Variants in FLRT1 observed in about 807,000 individuals in gnomAD.
FLRT1 encodes the protein fibronectin leucine rich transmembrane protein 1.
A neutral mutation model predicts 30.9 loss-of-function variants in FLRT1; 14 were observed. That is an observed-to-expected ratio of 0.45 (90% CI 0.30 to 0.71). The LOEUF (loss-of-function observed/expected upper bound fraction) is 0.71. Among genes scored for constraint, FLRT1 ranks in the 30% least tolerant of loss-of-function variants. The pLI is 0.08. For synonymous variants in FLRT1, 368 were observed against 430.4 expected (o/e 0.85, Z 1.80); for missense variants, 737 against 949.2 (o/e 0.78, Z 2.94).
chr11:64,095,858 T>C (rs1347661706), intron 1 of FLRT1, among the ~76,000 whole-genome samples: 1 of 151,998 alleles, frequency 6.6e-6, no homozygotes, highest in African/African-American at 2.4e-5. Flanking sequence ...AGCGCGAGGC[T>C]GAGGGGAGGG....
intron 1 of FLRT1, among the ~76,000 whole-genome samples, chr11:64,052,591 G>A (rs1054226585): frequency 1.3e-5 from 2 of 152,218 alleles, no homozygotes; most frequent in African/African-American, 4.8e-5. Flanking sequence ...TGGCAGACAT[G>A]GCTAATCAAT....
At chr11:64,105,795 G>A (rs1279149161) in intron 2 of FLRT1, among the ~76,000 whole-genome samples, 4 of 152,194 alleles carry the variant, frequency 2.6e-5, no homozygotes, top group African/African-American at 4.8e-5. Context: ...AAGGCCCCAG[G>A]AGGTGGGCGG....
Position 64,090,152 on chromosome 11 carries a change from C to T in FLRT1, c.-1037-13042C>T, listed in dbSNP as rs1944464113. Among the ~76,000 whole-genome samples, 1 of 152,174 alleles carries T rather than the reference C, an allele frequency of 6.6e-6. No individual in the cohort carries two copies. Among genetic ancestry groups the T allele is most frequent in the Admixed American group, 6.5e-5 (1 of 15,286 alleles). On this transcript the variant is annotated intron_variant, in intron 1 of 2. Coordinates refer to ENST00000682287, the MANE Select transcript of FLRT1 (RefSeq NM_013280.5). The surrounding 1 kb of genome is among the most constrained non-coding windows in gnomAD (Gnocchi z 4.7). Reference sequence around the variant, plus strand: ...TCCCCACGGGGCTAGGGACTCATCTCTGCCTGTCTTCCCAGGCCCCAGGTT... The same window carrying T: ...TCCCCACGGGGCTAGGGACTCATCTTTGCCTGTCTTCCCAGGCCCCAGGTT...
chr11:64,101,109 C>G (rs1284571928), intron 1 of FLRT1, among the ~76,000 whole-genome samples: 1 of 151,944 alleles, frequency 6.6e-6, no homozygotes, highest in Non-Finnish European at 1.5e-5. Context: ...TTCACAGGAC[C>G]ACACAAGCCA....
rs941880462 is a variant in FLRT1, at chr11:64,116,781, G to A, written c.514G>A (p.Ala172Thr). ...GTCCACCGTCAGCATTGAGGAGGAC[G>A]CCTTCGCCGACAGCAAACAGCTCAA... The part of the protein sequence containing the change: ...SVSTVSIEED[A>T]FADSKQLKLL... The change falls in exon 3 of 3, where the codon GCC becomes ACC. Residue 172 changes from alanine (A) to threonine (T), a missense_variant. Coordinates refer to ENST00000682287, the MANE Select transcript of FLRT1 (RefSeq NM_013280.5). The A allele has an allele frequency of 1.5e-5, 24 of 1,613,372 alleles. No individual in the cohort carries two copies. Among genetic ancestry groups the A allele is most frequent in the East Asian group, 4.5e-5 (2 of 44,886 alleles).
chr11:64,045,796 A>G (rs1367581686), intron 1 of FLRT1, among the ~76,000 whole-genome samples: 1 of 152,212 alleles, frequency 6.6e-6, no homozygotes, highest in East Asian at 1.9e-4. Context: ...TAACAATAAT[A>G]GTAATAACAG....
rs568614085 is a variant in FLRT1 at position 64,069,221 on chromosome 11, T to C, written c.-1038+33062T>C. Among the ~76,000 whole-genome samples the C allele has an allele frequency of 2.6e-5, 4 of 152,186 alleles. No individual in the cohort carries two copies. The East Asian group carries it at 7.8e-4, about 30-fold the overall frequency. Reference sequence around the variant, plus strand: ...ACTGCGCGCGGCCGGGGGCCCGAGGTGGGCGCCTTCACCTGGATCCGCAGT... The same window carrying C: ...ACTGCGCGCGGCCGGGGGCCCGAGGCGGGCGCCTTCACCTGGATCCGCAGT... On this transcript the variant is annotated intron_variant, in intron 1 of 2. Coordinates refer to ENST00000682287, the MANE Select transcript of FLRT1 (RefSeq NM_013280.5).
At chr11:64,052,329 A>C (rs367675486) in intron 1 of FLRT1, among the ~76,000 whole-genome samples, 75 of 152,226 alleles carry the variant, frequency 4.9e-4, no homozygotes, top group African/African-American at 1.6e-3. Flanking sequence ...TTTCCCTGTG[A>C]CCCTGGAAAG....
chr11:64,076,315 A>G (rs562043611), intron 1 of FLRT1, among the ~76,000 whole-genome samples: 33 of 152,200 alleles, frequency 2.2e-4, no homozygotes, highest in African/African-American at 7.5e-4. Context: ...CCATGCTCTG[A>G]CTTGGGGTTA....
At position 64,117,011 on chromosome 11, in the gene FLRT1, G is replaced by A. The variant is rs1390352518; in HGVS notation, c.744G>A (p.Gln248=). 7.4e-6 allele frequency: 12 copies of A among 1,612,622 alleles called. No individual in the cohort carries two copies. Among genetic ancestry groups the A allele is most frequent in the Non-Finnish European group, 1.0e-5 (12 of 1,179,692 alleles). The change falls in exon 3 of 3, where the codon CAG becomes CAA. Residue 248 remains glutamine, a synonymous_variant. Transcript: ENST00000682287. The part of the protein sequence containing the change: ...RIADDTFSRL[Q]NLTELSLVRN... Reference sequence around the variant, plus strand: ...CCGACGACACCTTCAGCCGCCTACAGAACCTCACAGAGCTCTCGCTGGTGC... The same window carrying A: ...CCGACGACACCTTCAGCCGCCTACAAAACCTCACAGAGCTCTCGCTGGTGC...
chr11:64,105,727 CTG>C (rs1944750847), intron 2 of FLRT1, among the ~76,000 whole-genome samples: 1 of 152,214 alleles, frequency 6.6e-6, no homozygotes, highest in Admixed American at 6.5e-5. Context: ...AGTTGAGACA[CTG>C]TTCCCCAGCA....
At chr11:64,115,979 C>G (rs1944971261) in intron 2 of FLRT1, among the ~76,000 whole-genome samples, 1 of 152,246 alleles carries the variant, frequency 6.6e-6, no homozygotes, top group Non-Finnish European at 1.5e-5. Flanking sequence ...TGCGCAGCCT[C>G]TTGGCTCCTG....
intron 1 of FLRT1, among the ~76,000 whole-genome samples, chr11:64,068,582 G>A (rs535132967): frequency 6.6e-6 from 1 of 152,348 alleles, no homozygotes; most frequent in East Asian, 1.9e-4. Context: ...CCATTTGATT[G>A]GCAGATAAAC....
intron 2 of FLRT1, among the ~76,000 whole-genome samples, chr11:64,115,161 C>T (rs781415144): frequency 7.2e-5 from 11 of 152,210 alleles, no homozygotes; most frequent in Non-Finnish European, 1.3e-4. Context: ...CTTTTGCTGG[C>T]TGCATGAAGA....
At chr11:64,105,261 C>A (rs1349901781) in intron 2 of FLRT1, among the ~76,000 whole-genome samples, 1 of 152,204 alleles carries the variant, frequency 6.6e-6, no homozygotes, top group Non-Finnish European at 1.5e-5. Flanking sequence ...CCCTACTGCC[C>A]CTCTAGTCCC....
chr11:64,073,406 C>G (rs1467247426), intron 1 of FLRT1, among the ~76,000 whole-genome samples: 2 of 152,210 alleles, frequency 1.3e-5, no homozygotes, highest in African/African-American at 4.8e-5. Context: ...TCTTTGAACC[C>G]CACTTGCAAC....
rs145399902 is a variant in FLRT1, at chr11:64,117,160, G to A, written c.893G>A (p.Arg298Gln). The change falls in exon 3 of 3, where the codon CGG becomes CAG. Residue 298 changes from arginine to glutamine, a missense_variant. Transcript: ENST00000682287. ...CTGGCCAAGATGCGTGAGCTGGAGCGGCTGGACCTGTCCAACAACAACCTG... is the reference window on the plus strand; with the variant it reads ...CTGGCCAAGATGCGTGAGCTGGAGCAGCTGGACCTGTCCAACAACAACCTG... ...NTLAKMRELE[R>Q]LDLSNNNLTT... The A allele has an allele frequency of 5.8e-4, 929 of 1,613,890 alleles. 9 individuals are homozygous for A. In the South Asian group the frequency reaches 6.0e-3, roughly 10 times the overall value.
chr11:64,108,427 C>T (rs533139876), intron 2 of FLRT1, among the ~76,000 whole-genome samples: 15 of 152,236 alleles, frequency 9.9e-5, no homozygotes, highest in African/African-American at 3.6e-4. Flanking sequence ...GGCTTCCTGG[C>T]GAGAAGGAGG....
At chr11:64,087,442 A>G (rs1001358201) in intron 1 of FLRT1, among the ~76,000 whole-genome samples, 1 of 152,200 alleles carries the variant, frequency 6.6e-6, no homozygotes, top group African/African-American at 2.4e-5. Context: ...CTCCCAAGAA[A>G]GCCAGGTTCT....
Sources: gnomAD v4.1 joint callset for allele counts (sites outside exome capture counted in the v4.1 genomes callset) on GRCh38, gnomAD v4.1.1 for gene constraint, Gnocchi (gnomAD v3.1) non-coding constraint, MANE v1.5 for transcripts, NCBI Gene and HGNC (gene_info 2026-07-23, HGNC 2026-07-21) for gene names.